Variants in FUT9 observed in about 807,000 individuals in gnomAD.
FUT9 encodes fucosyltransferase 9.
In FUT9, 15 loss-of-function variants were observed where a neutral mutation model predicts 29.7. That is an observed-to-expected ratio of 0.51 (90% CI 0.34 to 0.78). FUT9 has a LOEUF of 0.78. Among genes scored for constraint, FUT9 ranks in the 30% least tolerant of loss-of-function variants. FUT9 has a pLI of 0.01. For missense variants in FUT9, 319 were observed against 425.4 expected, an observed-to-expected ratio of 0.75 and a Z score of 2.20; for synonymous variants, 169 against 153.7, an observed-to-expected ratio of 1.10 and a Z score of -0.74.
At position 96,211,934 on chromosome 6, in the gene FUT9, T is replaced by A. The variant is rs1773944756; in HGVS notation, c.*7699T>A. 1 of 408,088 alleles carries A rather than the reference T, an allele frequency of 2.5e-6. No homozygotes were observed. 25.3% of individuals were successfully genotyped at this position (408,088 alleles called of 1,614,324 possible). ...TTTTGAATTAGTTGTGTAAGTAAAG[T>A]AAGTTAAGTTATAGCTTGCTGGAAT... is the stretch of plus-strand genomic sequence containing the variant. On this transcript the variant is annotated 3_prime_UTR_variant, in exon 3 of 3. Transcript: ENST00000302103.
At chr6:96,055,338 T>C (rs1770742585) in intron 1 of FUT9, among the ~76,000 whole-genome samples, 1 of 151,996 alleles carries the variant, frequency 6.6e-6, no homozygotes, top group Admixed American at 6.6e-5. Flanking sequence ...TTTGACCCAA[T>C]AACTAGGATA....
At chr6:96,192,979 CT>C (rs1773543108) in intron 2 of FUT9, among the ~76,000 whole-genome samples, 1 of 151,828 alleles carries the variant, frequency 6.6e-6, no homozygotes, top group Non-Finnish European at 1.5e-5. Context: ...ATAAATGGTG[CT>C]GGGAAAACTG....
Position 96,044,643 on chromosome 6 carries a change from CT to C in FUT9, c.-98+28439del, listed in dbSNP as rs35621617. On this transcript the variant is annotated intron_variant, in intron 1 of 2. Transcript: ENST00000302103. Reference sequence around the variant, plus strand: ...ATCTTGATCCACAGTTTATTCTGTGCTTTTTTTTCCCCCTGATTTAAACACA... The same window carrying C: ...ATCTTGATCCACAGTTTATTCTGTGCTTTTTTTCCCCCTGATTTAAACACA... 8.8e-3 allele frequency among the ~76,000 whole-genome samples: 1,333 copies of C among 152,036 alleles called. 29 individuals are homozygous for C. Among genetic ancestry groups the C allele is most frequent in the African/African-American group, 0.03 (1,263 of 41,488 alleles).
intron 2 of FUT9, among the ~76,000 whole-genome samples, chr6:96,130,522 G>T (rs75954125): frequency 1.3e-5 from 2 of 152,188 alleles, no homozygotes; most frequent in East Asian, 3.9e-4. Context: ...CAGAGACATT[G>T]TTCTTGGACA....
chr6:96,160,152 T>C (rs1227546567), intron 2 of FUT9, among the ~76,000 whole-genome samples: 1 of 152,188 alleles, frequency 6.6e-6, no homozygotes, highest in Non-Finnish European at 1.5e-5. Context: ...GTTTCCAACT[T>C]AAAGATGGCT....
chr6:96,203,452 G>A lies in FUT9; in HGVS notation c.297G>A (p.Leu99=), dbSNP rs1289875406. The change falls in exon 3 of 3, where the codon CTG becomes CTA. Residue 99 remains leucine (L), a synonymous_variant. Transcript: ENST00000302103. ...GCCATCTCACAACGGACCGTTCACT[G>A]TACAACAAATCCCATGCAGTTCTGA... is the stretch of plus-strand genomic sequence containing the variant. ...QGCHLTTDRS[L]YNKSHAVLIH... is the part of the protein sequence containing the mutation. The A allele has an allele frequency of 1.2e-6, 2 of 1,608,372 alleles. No homozygotes were observed. The highest frequency in any genetic ancestry group is 2.2e-5 in the East Asian group (1 of 44,850).
chr6:96,122,103 C>T (rs1045856145), intron 2 of FUT9, among the ~76,000 whole-genome samples: 7 of 152,110 alleles, frequency 4.6e-5, no homozygotes, highest in Non-Finnish European at 7.3e-5. Context: ...GATATAACAG[C>T]TCTCCATCTA....
At chr6:96,119,798 G>A (rs1485565322) in intron 2 of FUT9, among the ~76,000 whole-genome samples, 1 of 152,058 alleles carries the variant, frequency 6.6e-6, no homozygotes, top group Admixed American at 6.6e-5. Context: ...AATAAATCAA[G>A]CTTTCTCCCT....
chr6:96,139,542 T>G (rs1024505989), intron 2 of FUT9, among the ~76,000 whole-genome samples: 3 of 152,164 alleles, frequency 2.0e-5, no homozygotes, highest in Non-Finnish European at 4.4e-5. Context: ...CACCCCACAT[T>G]TTCCTTCTGC....
intron 1 of FUT9, among the ~76,000 whole-genome samples, chr6:96,018,476 T>G (rs994080892): frequency 6.6e-6 from 1 of 152,070 alleles, no homozygotes; most frequent in Admixed American, 6.6e-5. Flanking sequence ...GTCAAGAAGA[T>G]CTGCCAGGAT....
chr6:96,099,384 C>T (rs1219128505), intron 1 of FUT9, among the ~76,000 whole-genome samples: 1 of 152,132 alleles, frequency 6.6e-6, no homozygotes, highest in Non-Finnish European at 1.5e-5. Context: ...CTGTTTTCCT[C>T]CTTTTATGCT....
intron 1 of FUT9, among the ~76,000 whole-genome samples, chr6:96,050,801 G>A (rs746324093): frequency 6.6e-6 from 1 of 152,138 alleles, no homozygotes; most frequent in Non-Finnish European, 1.5e-5. Context: ...GGGATATGTA[G>A]CTGTCAAGTC....
At chr6:96,105,881 T>G (rs1771670344) in intron 1 of FUT9, among the ~76,000 whole-genome samples, 1 of 152,222 alleles carries the variant, frequency 6.6e-6, no homozygotes, top group Non-Finnish European at 1.5e-5. Flanking sequence ...GGAAATATAC[T>G]TCATAAATAT....
intron 1 of FUT9, among the ~76,000 whole-genome samples, chr6:96,033,799 A>G (rs1378100010): frequency 6.6e-6 from 1 of 151,754 alleles, no homozygotes; most frequent in African/African-American, 2.4e-5. Context: ...TGTACATACA[A>G]ATACAAATTA....
chr6:96,127,467 T>C (rs1343511910), intron 2 of FUT9, among the ~76,000 whole-genome samples: 1 of 152,216 alleles, frequency 6.6e-6, no homozygotes, highest in East Asian at 1.9e-4. Flanking sequence ...TTATTCCGTG[T>C]CTTTGGTATT....
In FUT9 at chr6:96,024,871, G is replaced by C. The variant is rs141009330; in HGVS notation, c.-98+8659G>C. ...ATGCCTCATCTGTGGTTTTCCACAG[G>C]AGTTTTTCTGTCTCAGAAAAATCTC... On this transcript the variant is annotated intron_variant, in intron 1 of 2. Transcript: ENST00000302103. 3.0e-3 allele frequency among the ~76,000 whole-genome samples: 451 copies of C among 151,872 alleles called. 1 individual carries two copies. Among genetic ancestry groups the C allele is most frequent in the African/African-American group, 0.01 (427 of 41,474 alleles).
At chr6:96,140,639 A>T (rs1272692309) in intron 2 of FUT9, among the ~76,000 whole-genome samples, 1 of 152,240 alleles carries the variant, frequency 6.6e-6, no homozygotes, top group African/African-American at 2.4e-5. Flanking sequence ...GAGCAAAGGC[A>T]CATCTTACAT....
At chr6:96,110,110 C>T (rs1243519083) in intron 1 of FUT9, among the ~76,000 whole-genome samples, 3 of 152,088 alleles carry the variant, frequency 2.0e-5, no homozygotes, top group East Asian at 3.9e-4. Flanking sequence ...TTTCTGGCTG[C>T]TTCTCTTCAG....
Position 96,209,571 on chromosome 6 carries a change from A to G in FUT9, c.*5336A>G, listed in dbSNP as rs1215604188. 1 of 166,942 alleles carries G rather than the reference A, an allele frequency of 6.0e-6. No individual in the cohort carries two copies. The highest frequency in any genetic ancestry group is 1.5e-5 in the Non-Finnish European group (1 of 68,046). The allele number at this position is 166,942 out of a possible 1,614,324, so 10.3% of individuals were successfully genotyped here. A position where few individuals can be genotyped will look rare whatever the true frequency, so the allele number is the denominator to read the frequency against. ...CTAAAGATATTTATTGATGCAAAAAATTTAGGGAGTCATTGGAAATACCTG... is the reference window on the plus strand; with the variant it reads ...CTAAAGATATTTATTGATGCAAAAAGTTTAGGGAGTCATTGGAAATACCTG... On this transcript the variant is annotated 3_prime_UTR_variant, in exon 3 of 3. Coordinates refer to ENST00000302103, the MANE Select transcript of FUT9 (RefSeq NM_006581.4).
Sources: allele counts gnomAD v4.1 joint callset (sites outside exome capture counted in the v4.1 genomes callset), GRCh38; gene constraint gnomAD v4.1.1; transcripts MANE v1.5; gene names NCBI Gene and HGNC (gene_info 2026-07-23, HGNC 2026-07-21).